Variants in PPP2R2C observed in about 807,000 individuals in gnomAD.
PPP2R2C encodes the protein protein phosphatase 2 regulatory subunit Bgamma, also known as protein phosphatase 2, regulatory subunit B, gamma.
In PPP2R2C, 10 loss-of-function variants were observed where a neutral mutation model predicts 45.3. The ratio of observed to expected loss-of-function variants is 0.22; its 90% CI spans 0.14 to 0.37. PPP2R2C has a LOEUF of 0.37. Among genes scored for constraint, PPP2R2C ranks in the 10% least tolerant of loss-of-function variants. The pLI is 1.00. For missense variants in PPP2R2C, 308 were observed against 619.7 expected (o/e 0.50, Z 5.34); for synonymous variants, 257 against 245.4 (o/e 1.05, Z -0.44).
chr4:6,506,621 G>A (rs1167216094), intron 2 of PPP2R2C, among the ~76,000 whole-genome samples: 1 of 152,202 alleles, frequency 6.6e-6, no homozygotes, highest in African/African-American at 2.4e-5. Context: ...AAGATTCTGA[G>A]TAGGTGTTCC....
chr4:6,489,715 C>T lies in PPP2R2C; in HGVS notation c.49+45556G>A, dbSNP rs115209224. On this transcript the variant is annotated intron_variant, in intron 2 of 9. Transcript: ENST00000506140. ...CTCAGGGAGTCTCTATTGCCCTTAACTTTTTCAGATTCTGCCAGTCCACTA... is the reference window on the plus strand; with the variant it reads ...CTCAGGGAGTCTCTATTGCCCTTAATTTTTTCAGATTCTGCCAGTCCACTA... Among the ~76,000 whole-genome samples the T allele has an allele frequency of 5.6e-3, 850 of 152,256 alleles. 12 individuals are homozygous for T. The highest frequency in any genetic ancestry group is 0.02 in the African/African-American group (811 of 41,546).
Position 6,425,121 on chromosome 4 carries a change from G to C in PPP2R2C, c.71-44027C>G, listed in dbSNP as rs544044501. ...ATATAGGGTTGCCGAGAGGATGACA[G>C]GAAGTGGCAATGCTGGAACATGAGA... On this transcript the variant is annotated intron_variant, in intron 1 of 8. Transcript: ENST00000382599. 2.0e-5 allele frequency among the ~76,000 whole-genome samples: 3 copies of C among 152,302 alleles called. No individual in the cohort carries two copies. The East Asian group carries it at 5.8e-4, about 29-fold the overall frequency.
Position 6,378,645 on chromosome 4 carries a change from A to G in PPP2R2C, c.169-73T>C, listed in dbSNP as rs560317231. The G allele has an allele frequency of 4.7e-6, 7 of 1,504,182 alleles. No individual in the cohort carries two copies. Among genetic ancestry groups the G allele is most frequent in the Non-Finnish European group, 6.3e-6 (7 of 1,113,754 alleles). 93.2% of individuals were successfully genotyped at this position (1,504,182 alleles called of 1,614,324 possible). A position where few individuals can be genotyped will look rare whatever the true frequency, so the allele number is the denominator to read the frequency against. ...CGACGGCTAGGACCTCCGGGGACCC[A>G]GCAGGGCCGGCCGTGGGACCAAGTG... On this transcript the variant is annotated intron_variant, in intron 2 of 8. Transcript: ENST00000382599. This position sits in a 1 kb window ranked among gnomAD's most constrained non-coding sequence, Gnocchi z 5.2.
chr4:6,453,631 C>A (rs1011307719), intron 1 of PPP2R2C, among the ~76,000 whole-genome samples: 11 of 152,156 alleles, frequency 7.2e-5, no homozygotes, highest in African/African-American at 2.7e-4. Flanking sequence ...ACCACCGGGG[C>A]TGTAATGGTT....
At chr4:6,546,817 TC>T (rs1725001632) in intron 1 of PPP2R2C, among the ~76,000 whole-genome samples, 1 of 152,012 alleles carries the variant, frequency 6.6e-6, no homozygotes, top group Admixed American at 6.6e-5. Context: ...CCTCTGGTGG[TC>T]CTTATGAAAA....
chr4:6,337,148 A>G lies in PPP2R2C; in HGVS notation c.791-3417T>C, dbSNP rs540313978. Among the ~76,000 whole-genome samples the G allele has an allele frequency of 1.1e-4, 9 of 84,010 alleles. 1 individual carries two copies. Among genetic ancestry groups the G allele is most frequent in the Admixed American group, 2.5e-4 (2 of 8,040 alleles). 55.1% of individuals were successfully genotyped at this position (84,010 alleles called of 152,430 possible). A position where few individuals can be genotyped will look rare whatever the true frequency, so the allele number is the denominator to read the frequency against. On this transcript the variant is annotated intron_variant, in intron 6 of 8. Transcript: ENST00000382599. ...TATATATATATATATATATATATAT[A>G]TATATATATATATTTGTAGTTTTTC... is the stretch of plus-strand genomic sequence containing the variant.
chr4:6,523,091 T>A (rs1724078565), intron 2 of PPP2R2C, among the ~76,000 whole-genome samples: 1 of 152,196 alleles, frequency 6.6e-6, no homozygotes, highest in African/African-American at 2.4e-5. Flanking sequence ...TTCCAGGGCC[T>A]CCTGATCACA....
chr4:6,560,762 C>T (rs1725548876), intron 1 of PPP2R2C, among the ~76,000 whole-genome samples: 2 of 152,216 alleles, frequency 1.3e-5, no homozygotes, highest in Non-Finnish European at 2.9e-5. Flanking sequence ...TCTGCAGAGT[C>T]ATAAAATTCC....
intron 1 of PPP2R2C, among the ~76,000 whole-genome samples, chr4:6,416,635 C>T (rs1718603218): frequency 6.6e-6 from 1 of 152,230 alleles, no homozygotes; most frequent in Admixed American, 6.5e-5. Context: ...CTCCCCCATC[C>T]TCTGCTGCAG....
At chr4:6,430,417 C>T (rs1316419000) in intron 1 of PPP2R2C, among the ~76,000 whole-genome samples, 1 of 152,174 alleles carries the variant, frequency 6.6e-6, no homozygotes, top group Non-Finnish European at 1.5e-5. Flanking sequence ...CCAAAGGGGA[C>T]TGAGAGGTCC....
intron 2 of PPP2R2C, among the ~76,000 whole-genome samples, chr4:6,496,425 C>G (rs1722883657): frequency 6.6e-6 from 1 of 152,168 alleles, no homozygotes; most frequent in Non-Finnish European, 1.5e-5. Flanking sequence ...GGACACCCAT[C>G]CTTGCATTTC....
rs192657393 is a variant in PPP2R2C, at chr4:6,559,774, C to T, written c.-59+3786G>A. On this transcript the variant is annotated intron_variant, in intron 1 of 9. Transcript: ENST00000506140. Reference sequence around the variant, plus strand: ...CCATCCGTGAACCAGAACGCAGGTCCTCACCAGACACTGAATCCGCCACGC... The same window carrying T: ...CCATCCGTGAACCAGAACGCAGGTCTTCACCAGACACTGAATCCGCCACGC... Among the ~76,000 whole-genome samples, 26 of 152,324 alleles carry T rather than the reference C, an allele frequency of 1.7e-4. No individual in the cohort carries two copies. In the East Asian group the frequency reaches 4.6e-3, roughly 27 times the overall value.
At chr4:6,373,513 C>T (rs1351259866) in intron 4 of PPP2R2C, among the ~76,000 whole-genome samples, 2 of 152,184 alleles carry the variant, frequency 1.3e-5, no homozygotes, top group Admixed American at 1.3e-4. Context: ...ATCAGCTTTC[C>T]CAGTGGACTA....
intron 1 of PPP2R2C, chr4:6,381,961 C>G (rs1715832061): frequency 6.8e-7 from 1 of 1,469,396 alleles, no homozygotes; most frequent in African/African-American, 1.4e-5. Flanking sequence ...GGTGGCCAGC[C>G]CTGGGAGTGG....
intron 2 of PPP2R2C, among the ~76,000 whole-genome samples, chr4:6,514,754 G>A (rs986553600): frequency 1.3e-5 from 2 of 152,158 alleles, no homozygotes; most frequent in African/African-American, 2.4e-5. Flanking sequence ...CCCAAACAAC[G>A]GAATCATATT....
chr4:6,410,742 C>G (rs965691262), intron 1 of PPP2R2C, among the ~76,000 whole-genome samples: 7 of 152,240 alleles, frequency 4.6e-5, no homozygotes, highest in African/African-American at 1.4e-4. Context: ...CCAGGTCACC[C>G]TTTCTCAGAA....
intron 1 of PPP2R2C, among the ~76,000 whole-genome samples, chr4:6,468,517 T>C (rs116367991): frequency 0.021 from 3,161 of 152,264 alleles, 112 homozygotes; most frequent in African/African-American, 0.072. Flanking sequence ...GGGGAAGCTG[T>C]GCCTCTGGCC....
chr4:6,545,099 A>T (rs1724934856), intron 1 of PPP2R2C, among the ~76,000 whole-genome samples: 1 of 152,142 alleles, frequency 6.6e-6, no homozygotes, highest in Non-Finnish European at 1.5e-5. Flanking sequence ...TCCCGGGCTC[A>T]CCCTCACCAT....
chr4:6,408,784 G>A (rs549949357), intron 1 of PPP2R2C, among the ~76,000 whole-genome samples: 2 of 151,938 alleles, frequency 1.3e-5, no homozygotes, highest in East Asian at 1.9e-4. Context: ...GAGGCAGTGG[G>A]TAGAGAGAAT....
Sources: gnomAD v4.1 joint callset for allele counts (sites outside exome capture counted in the v4.1 genomes callset) on GRCh38, gnomAD v4.1.1 for gene constraint, Gnocchi (gnomAD v3.1) non-coding constraint, MANE v1.5 for transcripts, NCBI Gene and HGNC (gene_info 2026-07-23, HGNC 2026-07-21) for gene names.